BCL2L14: variants seen among roughly 807,000 people sequenced by gnomAD.
The protein encoded by BCL2L14 is apoptosis facilitator Bcl-2-like protein 14.
Under a neutral mutation model 35.3 loss-of-function variants are expected in BCL2L14, and 27 were observed. That is an observed-to-expected ratio of 0.76 (90% CI 0.56 to 1.05). BCL2L14 has a LOEUF of 1.05. Ranked by LOEUF, BCL2L14 falls within the 50% of genes least tolerant of loss-of-function variation. BCL2L14 has a pLI of 0.00. For synonymous variants in BCL2L14, 139 were observed against 145.9 expected (o/e 0.95, Z 0.34); for missense variants, 377 against 382.6 (o/e 0.99, Z 0.12).
rs886543636 is a variant in BCL2L14 at position 12,087,383 on chromosome 12, A to T, written c.604A>T (p.Lys202Ter). The stretch of plus-strand genomic sequence containing the variant: ...CGTGCCTGTAGCTTCAAGTTCTAAG[A>T]AAGGTAAGCTTTCCTTCCCTGGGTG... ...GHVPVASSSK[K>*]DEEEQILAKI... Residue 202 changes from lysine to a stop codon, truncating the protein, a stop_gained, in exon 3 of 6, where the codon AAA becomes TAA. Transcript: ENST00000308721. LOFTEE classifies it high-confidence loss of function. 6.2e-7 allele frequency: 1 copy of T among 1,613,838 alleles called. No individual in the cohort carries two copies. The highest frequency in any genetic ancestry group is 8.5e-7 in the Non-Finnish European group (1 of 1,179,974).
intron 2 of BCL2L14, chr12:12,055,117 T>C (rs1047363134): frequency 1.3e-5 from 2 of 152,138 alleles, no homozygotes; most frequent in Non-Finnish European, 2.9e-5. Flanking sequence ...GTTGAACAAT[T>C]TGCTCCCACT....
At chr12:12,068,209 C>T (rs999446492), upstream of BCL2L14, 7 of 398,392 alleles carry the variant, frequency 1.8e-5, no homozygotes, top group Non-Finnish European at 2.7e-5. Flanking sequence ...CCTCCCAAAG[C>T]GCTGGGATTG....
chr12:12,051,916 C>G, intron 2 of BCL2L14: 1 of 152,124 alleles, frequency 6.6e-6, no homozygotes, highest in Non-Finnish European at 1.5e-5. Flanking sequence ...CCCAGCTTAC[C>G]TTGGAGGATC....
intron 2 of BCL2L14, chr12:12,055,717 G>A (rs10845459): frequency 0.44 from 67,107 of 152,146 alleles, 16,205 homozygotes; most frequent in East Asian, 0.75. Context: ...ACTCAGAGTG[G>A]TTCTGCCTTG....
intron 4 of BCL2L14, 77 bp downstream of exon 4, chr12:12,090,926 G>T: frequency 2.6e-6 from 3 of 1,171,656 alleles, no homozygotes; most frequent in Non-Finnish European, 3.7e-6. Flanking sequence ...TGTATTCCAG[G>T]TTGCAACCTT....
At position 12,087,252 on chromosome 12, in the gene BCL2L14, C is replaced by G; in HGVS notation, c.473C>G (p.Ala158Gly). The change falls in exon 3 of 6, where the codon GCT becomes GGT. Residue 158 changes from alanine to glycine, a missense_variant. Ala to Gly is a moderately conservative substitution (Grantham distance 60, BLOSUM62 0). Coordinates refer to ENST00000308721, the MANE Select transcript of BCL2L14 (RefSeq NM_138723.2). ...GTCATTTCCATTGCCAACCGAGTAG[C>G]TGAAATTGTTTACTCCTGGCCACCA... ...PKVISIANRV[A>G]EIVYSWPPPQ... The G allele has an allele frequency of 6.2e-7, 1 of 1,614,168 alleles. No homozygotes were observed. The highest frequency in any genetic ancestry group is 8.5e-7 in the Non-Finnish European group (1 of 1,180,028).
rs1408731146 is a variant in BCL2L14, at chr12:12,078,126, C to T, written c.-7-1173C>T. 1.6e-5 allele frequency: 3 copies of T among 191,056 alleles called. No individual in the cohort carries two copies. In the East Asian group the frequency reaches 3.9e-4, roughly 25 times the overall value. The allele number at this position is 191,056 out of a possible 1,614,324, so 11.8% of individuals were successfully genotyped here. ...ATGCCTGTGATCACATCACTCTCTACTCAAAACTTTGAACAGCTCTCCATT... is the reference window on the plus strand; with the variant it reads ...ATGCCTGTGATCACATCACTCTCTATTCAAAACTTTGAACAGCTCTCCATT... On this transcript the variant is annotated intron_variant, in intron 1 of 5. Transcript: ENST00000308721.
chr12:12,052,364 C>T (rs557943146), intron 2 of BCL2L14, among the ~76,000 whole-genome samples: 61 of 133,154 alleles, frequency 4.6e-4, no homozygotes, highest in African/African-American at 1.4e-3. Context: ...ACTGTGTAGC[C>T]TTTTCCCAAC....
intron 2 of BCL2L14, among the ~76,000 whole-genome samples, chr12:12,056,607 G>A (rs554107455): frequency 2.0e-5 from 3 of 152,336 alleles, no homozygotes; most frequent in African/African-American, 7.2e-5. Flanking sequence ...GCCAAGGTGG[G>A]CGGATCAACT....
rs887419761 is a variant in BCL2L14, at chr12:12,075,154, C to T, written c.-8+4017C>T. On this transcript the variant is annotated intron_variant, in intron 1 of 5. Transcript: ENST00000308721. ...TTATTTATTTTTGAGACAGAGTCTC[C>T]GTGTGTCACCCAGGCTGGAGTGCAA... Among the ~76,000 whole-genome samples, 7 of 151,576 alleles carry T rather than the reference C, an allele frequency of 4.6e-5. No homozygotes were observed. In the East Asian group the frequency reaches 7.7e-4, roughly 17 times the overall value.
rs536808044 is a variant in BCL2L14, at chr12:12,080,154, A to G, written c.433+416A>G. Among the ~76,000 whole-genome samples, 105 of 151,170 alleles carry G rather than the reference A, an allele frequency of 6.9e-4. 2 individuals are homozygous for G. The highest frequency in any genetic ancestry group is 1.3e-3 in the Non-Finnish European group (90 of 67,688). On this transcript the variant is annotated intron_variant, in intron 2 of 5. Coordinates refer to ENST00000308721, the MANE Select transcript of BCL2L14 (RefSeq NM_138723.2). ...CAGCAGGCGGAGCTTGCAGTGAGCC[A>G]AGATGGCATCACTGCACTCCAGCTT...
At chr12:12,078,012 G>A in intron 1 of BCL2L14, 1 of 439,326 alleles carries the variant, frequency 2.3e-6, no homozygotes, top group Non-Finnish European at 4.6e-6. Flanking sequence ...AACAAAATCA[G>A]TTCTTTATCT....
At chr12:12,057,219 T>C (rs1363600085) in intron 2 of BCL2L14, among the ~76,000 whole-genome samples, 1 of 152,220 alleles carries the variant, frequency 6.6e-6, no homozygotes, top group Non-Finnish European at 1.5e-5. Context: ...GGGAGACTAT[T>C]TGCATTATAA....
chr12:12,087,335 C>G lies in BCL2L14; in HGVS notation c.556C>G (p.Leu186Val). 1.2e-6 allele frequency: 2 copies of G among 1,614,200 alleles called. No individual in the cohort carries two copies. Among genetic ancestry groups the G allele is most frequent in the Non-Finnish European group, 8.5e-7 (1 of 1,180,032 alleles). The change falls in exon 3 of 6, where the codon CTC becomes GTC. Residue 186 changes from leucine (L) to valine (V), a missense_variant. Coordinates refer to ENST00000308721, the MANE Select transcript of BCL2L14 (RefSeq NM_138723.2). ...KSKEIFVTEG[L>V]SFQLQGHVPV... ...CAAAGAGATTTTTGTAACTGAGGGTCTCTCCTTCCAGCTCCAAGGCCACGT... is the reference window on the plus strand; with the variant it reads ...CAAAGAGATTTTTGTAACTGAGGGTGTCTCCTTCCAGCTCCAAGGCCACGT...
chr12:12,097,997 AATT>A lies in BCL2L14; in HGVS notation c.946-951_946-949del, dbSNP rs368912309. On this transcript the variant is annotated intron_variant, in intron 5 of 5. Coordinates refer to ENST00000308721, the MANE Select transcript of BCL2L14 (RefSeq NM_138723.2). ...GTTTAATTTGGAGCATGTCAGTGGA[AATT>A]AGGAGAGGGGAGACAAAGAATGTGA... Among the ~76,000 whole-genome samples the A allele has an allele frequency of 3.9e-3, 600 of 152,274 alleles. 3 individuals carry two copies. The highest frequency in any genetic ancestry group is 0.014 in the African/African-American group (563 of 41,550).
Position 12,079,552 on chromosome 12 carries a change from G to A in BCL2L14, c.247G>A (p.Ala83Thr). 1 of 1,614,222 alleles carries A rather than the reference G, an allele frequency of 6.2e-7. No individual in the cohort carries two copies. The highest frequency in any genetic ancestry group is 8.5e-7 in the Non-Finnish European group (1 of 1,180,050). Residue 83 changes from alanine (A) to threonine (T), a missense_variant, in exon 2 of 6, where the codon GCC becomes ACC. Coordinates refer to ENST00000308721, the MANE Select transcript of BCL2L14 (RefSeq NM_138723.2). ...CAGAAATTCCCAATCCAGTGAGAAG[G>A]CCATAAACCTTGGCAAGAAAAAGTC... The part of the protein sequence containing the change: ...PCRNSQSSEK[A>T]INLGKKKSSW...
upstream of BCL2L14, among the ~76,000 whole-genome samples, chr12:12,068,776 A>G (rs1043603614): frequency 2.6e-5 from 4 of 152,226 alleles, no homozygotes; most frequent in Non-Finnish European, 5.9e-5. Flanking sequence ...GGAATTCAAG[A>G]GTGAGCCAAC....
chr12:12,069,428 G>A (rs897942965), upstream of BCL2L14, among the ~76,000 whole-genome samples: 5 of 152,040 alleles, frequency 3.3e-5, no homozygotes, highest in South Asian at 4.2e-4. Flanking sequence ...GGCCAGGCGC[G>A]GTGGCTCACG....
At chr12:12,080,657 G>T (rs1335438360) in intron 2 of BCL2L14, among the ~76,000 whole-genome samples, 1 of 151,658 alleles carries the variant, frequency 6.6e-6, no homozygotes, top group African/African-American at 2.4e-5. Context: ...CTAACCAGGG[G>T]CTTGCTTGGG....
Sources: gnomAD v4.1 joint callset for allele counts (sites outside exome capture counted in the v4.1 genomes callset) on GRCh38, gnomAD v4.1.1 for gene constraint, MANE v1.5 for transcripts, NCBI Gene and HGNC (gene_info 2026-07-23, HGNC 2026-07-21) for gene names.